PLEKHA5: variants seen among roughly 807,000 people sequenced by gnomAD.
PLEKHA5 encodes the protein pleckstrin homology domain-containing family A member 5.
Under a neutral mutation model 181.9 loss-of-function variants are expected in PLEKHA5, and 55 were observed. The ratio of observed to expected loss-of-function variants is 0.30; its 90% CI spans 0.24 to 0.38. The LOEUF (loss-of-function observed/expected upper bound fraction) is 0.38. PLEKHA5 is among the 10% of genes least tolerant of loss of function. PLEKHA5 has a pLI of 1.00. For missense variants in PLEKHA5, 1,432 were observed against 1,549.5 expected, an observed-to-expected ratio of 0.92 and a Z score of 1.27; for synonymous variants, 535 against 529.4, an observed-to-expected ratio of 1.01 and a Z score of -0.15.
intron 3 of PLEKHA5, among the ~76,000 whole-genome samples, chr12:19,236,163 A>G (rs571183447): frequency 1.3e-5 from 2 of 152,310 alleles, no homozygotes; most frequent in East Asian, 1.9e-4. Flanking sequence ...ATAAATACCA[A>G]CAAACTCTGG....
intron 15 of PLEKHA5, among the ~76,000 whole-genome samples, chr12:19,292,909 A>G (rs1272253337): frequency 6.6e-6 from 1 of 152,228 alleles, no homozygotes; most frequent in Non-Finnish European, 1.5e-5. Flanking sequence ...ACTGCACTCC[A>G]GCTTGGGTAA....
At chr12:19,196,680 G>T (rs1229459402) in intron 3 of PLEKHA5, among the ~76,000 whole-genome samples, 1 of 152,010 alleles carries the variant, frequency 6.6e-6, no homozygotes, top group African/African-American at 2.4e-5. Context: ...CAATATTCCT[G>T]TACAAACAAA....
chr12:19,315,738 G>T (rs2088381227), intron 16 of PLEKHA5, among the ~76,000 whole-genome samples: 1 of 151,912 alleles, frequency 6.6e-6, no homozygotes, highest in Non-Finnish European at 1.5e-5. Flanking sequence ...TATATATTTT[G>T]ATTTAAATAT....
At chr12:19,290,220 T>G (rs1056713690) in intron 13 of PLEKHA5, among the ~76,000 whole-genome samples, 22 of 152,296 alleles carry the variant, frequency 1.4e-4, no homozygotes, top group African/African-American at 5.1e-4. Flanking sequence ...CGTGAGCCAC[T>G]GTGCCCGGAC....
At chr12:19,307,032 T>G in intron 15 of PLEKHA5, 9 of 1,484,132 alleles carry the variant, frequency 6.1e-6, no homozygotes, top group Non-Finnish European at 8.4e-6. Context: ...CTGCCCTTGC[T>G]GCGCTTGGGC....
At chr12:19,203,083 A>G (rs182349104) in intron 3 of PLEKHA5, among the ~76,000 whole-genome samples, 2 of 152,238 alleles carry the variant, frequency 1.3e-5, no homozygotes, top group Admixed American at 1.3e-4. Flanking sequence ...CTCAAGTTTA[A>G]AGGATATATG....
intron 3 of PLEKHA5, among the ~76,000 whole-genome samples, chr12:19,182,063 G>GT (rs927887257): frequency 1.3e-5 from 2 of 152,032 alleles, no homozygotes; most frequent in Admixed American, 6.6e-5. Flanking sequence ...AAACAGTTAT[G>GT]TTTTTTAAAG....
At position 19,343,346 on chromosome 12, in the gene PLEKHA5, T is replaced by C; in HGVS notation, c.2574T>C (p.Arg858=). ...EVQTESAGIQ[R]AQIQKELWRI... ...AGACGGAATCAGCAGGAATTCAGCG[T>C]GCACAGATTCAGAAAGAACTTTGGC... is the stretch of plus-strand genomic sequence containing the variant. The change falls in exon 22 of 32, where the codon CGT becomes CGC. Residue 858 remains arginine (R), a synonymous_variant. Transcript: ENST00000429027. The C allele has an allele frequency of 6.2e-7, 1 of 1,613,468 alleles. No individual in the cohort carries two copies. The highest frequency in any genetic ancestry group is 8.5e-7 in the Non-Finnish European group (1 of 1,179,408).
At chr12:19,299,828 T>C (rs2152904360) in intron 15 of PLEKHA5, among the ~76,000 whole-genome samples, 1 of 152,324 alleles carries the variant, frequency 6.6e-6, no homozygotes, top group South Asian at 2.1e-4. Context: ...TTATGTCTTT[T>C]AGCCAACTCA....
chr12:19,265,629 C>T (rs1333682411), intron 7 of PLEKHA5, 121 bp from the exon 8 acceptor site: 1 of 609,582 alleles, frequency 1.6e-6, no homozygotes, highest in Non-Finnish European at 3.0e-6. Flanking sequence ...AAAGGCCTGC[C>T]TGAACATGAA....
At chr12:19,306,681 G>A (rs2083832702) in intron 15 of PLEKHA5, 2 of 1,473,356 alleles carry the variant, frequency 1.4e-6, no homozygotes, top group Non-Finnish European at 1.9e-6. Flanking sequence ...CTAGCTCTGA[G>A]CAGATGCGGA....
intron 3 of PLEKHA5, among the ~76,000 whole-genome samples, chr12:19,164,693 A>G (rs530172416): frequency 3.3e-5 from 5 of 152,122 alleles, no homozygotes; most frequent in African/African-American, 1.2e-4. Flanking sequence ...TTCTACCTTA[A>G]ATGCTGGTGG....
At chr12:19,343,652 G>T (rs2094112842) in intron 22 of PLEKHA5, among the ~76,000 whole-genome samples, 3 of 152,174 alleles carry the variant, frequency 2.0e-5, no homozygotes, top group African/African-American at 7.2e-5. Context: ...GCATGTGACT[G>T]TACTGAATAC....
rs145590944 is a variant in PLEKHA5, at chr12:19,269,859, C to G, written c.801C>G (p.Ala267=). The G allele has an allele frequency of 3.8e-6, 6 of 1,593,540 alleles. No individual in the cohort carries two copies. Among genetic ancestry groups the G allele is most frequent in the Admixed American group, 3.3e-5 (2 of 59,924 alleles). The part of the protein sequence containing the change: ...ELWMKAMLDA[A]LVQTEPVKRI... ...GGATGAAAGCCATGTTAGATGCTGC[C>G]CTAGTACAGACAGAACCTGTGAAAA... Residue 267 remains alanine, a synonymous_variant, in exon 9 of 32, where the codon GCC becomes GCG. Coordinates refer to ENST00000429027, the MANE Select transcript of PLEKHA5 (RefSeq NM_001256470.2).
Position 19,198,349 on chromosome 12 carries a change from G to T in PLEKHA5, c.228-55591G>T, listed in dbSNP as rs574350367. 4.6e-5 allele frequency among the ~76,000 whole-genome samples: 7 copies of T among 152,232 alleles called. No individual in the cohort carries two copies. In the South Asian group the frequency reaches 1.5e-3, roughly 32 times the overall value. ...TCATCTCAGATATGCCAGGCTTAGAGCCTTTAAACTAACTGTCCACTCTCT... is the reference window on the plus strand; with the variant it reads ...TCATCTCAGATATGCCAGGCTTAGATCCTTTAAACTAACTGTCCACTCTCT... On this transcript the variant is annotated intron_variant, in intron 3 of 31. Transcript: ENST00000429027.
intron 3 of PLEKHA5, among the ~76,000 whole-genome samples, chr12:19,133,341 T>G (rs2034581961): frequency 6.6e-6 from 1 of 151,822 alleles, no homozygotes; most frequent in South Asian, 2.1e-4. Context: ...CAACGAAAAA[T>G]ATGGGTGGTT....
intron 18 of PLEKHA5, chr12:19,320,916 C>G (rs987113770): frequency 5.6e-6 from 1 of 179,550 alleles, no homozygotes; most frequent in African/African-American, 2.4e-5. Flanking sequence ...CCTTTAATCC[C>G]AGCACTTTGG....
At chr12:19,341,957 T>A (rs1338774413) in intron 21 of PLEKHA5, among the ~76,000 whole-genome samples, 1 of 152,174 alleles carries the variant, frequency 6.6e-6, no homozygotes. Flanking sequence ...GGTCTTGAAC[T>A]CCTGAGCTTA....
intron 3 of PLEKHA5, among the ~76,000 whole-genome samples, chr12:19,158,560 C>T (rs1386182963): frequency 6.6e-6 from 1 of 151,846 alleles, no homozygotes; most frequent in Non-Finnish European, 1.5e-5. Flanking sequence ...TGTGGTTTTC[C>T]ATTTAAAGGA....
Sources: allele counts gnomAD v4.1 joint callset (sites outside exome capture counted in the v4.1 genomes callset), GRCh38; gene constraint gnomAD v4.1.1; transcripts MANE v1.5; gene names NCBI Gene and HGNC (gene_info 2026-07-23, HGNC 2026-07-21).